MAML2: variants seen among roughly 807,000 people sequenced by gnomAD.
The protein encoded by MAML2 is mastermind like transcriptional coactivator 2.
In MAML2, 22 loss-of-function variants were observed where a neutral mutation model predicts 96.1. That is an observed-to-expected ratio of 0.23 (90% CI 0.16 to 0.33). The LOEUF (loss-of-function observed/expected upper bound fraction) is 0.33, where lower values mean the gene tolerates loss of function less well. MAML2 is among the 10% of genes least tolerant of loss of function. MAML2 has a pLI of 1.00. For synonymous variants in MAML2, 561 were observed against 521.3 expected, an observed-to-expected ratio of 1.08 and a Z score of -1.04; for missense variants, 1,367 against 1,392.4, an observed-to-expected ratio of 0.98 and a Z score of 0.29.
intron 1 of MAML2, among the ~76,000 whole-genome samples, chr11:96,219,264 T>A (rs1403093666): frequency 6.6e-6 from 1 of 152,232 alleles, no homozygotes. Flanking sequence ...TATGACATCT[T>A]AGAAACCATT....
intron 2 of MAML2, among the ~76,000 whole-genome samples, chr11:96,078,691 T>C (rs1394417822): frequency 3.9e-5 from 6 of 152,228 alleles, no homozygotes; most frequent in African/African-American, 1.4e-4. Flanking sequence ...ATGAGAGCCA[T>C]GTCTAGGTGA....
At chr11:96,172,023 T>C (rs1052013906) in intron 1 of MAML2, among the ~76,000 whole-genome samples, 2 of 152,226 alleles carry the variant, frequency 1.3e-5, no homozygotes, top group Non-Finnish European at 2.9e-5. Flanking sequence ...CAGTGCCTTG[T>C]AGAGAGCGAC....
chr11:96,217,423 C>T lies in MAML2; in HGVS notation c.514-123906G>A, dbSNP rs375588536. 2.6e-5 allele frequency among the ~76,000 whole-genome samples: 4 copies of T among 152,180 alleles called. No individual in the cohort carries two copies. The East Asian group carries it at 5.8e-4, about 22-fold the overall frequency. On this transcript the variant is annotated intron_variant, in intron 1 of 4. Coordinates refer to ENST00000524717, the MANE Select transcript of MAML2 (RefSeq NM_032427.4). ...TGCCCTGCACTGTTTCCACTTATAGCGTGGTATGTCAGTAGACTCTATGAG... is the reference window on the plus strand; with the variant it reads ...TGCCCTGCACTGTTTCCACTTATAGTGTGGTATGTCAGTAGACTCTATGAG...
At chr11:96,314,917 T>C (rs2136006737) in intron 1 of MAML2, among the ~76,000 whole-genome samples, 1 of 152,306 alleles carries the variant, frequency 6.6e-6, no homozygotes, top group Non-Finnish European at 1.5e-5. Context: ...GAAGCTGGTG[T>C]TGCAGCCACC....
chr11:96,162,671 C>A (rs3016375), intron 1 of MAML2, among the ~76,000 whole-genome samples: 149,402 of 149,402 alleles, frequency 1, 74,701 homozygotes, highest in Non-Finnish European at 1. Flanking sequence ...AGATTGCGCC[C>A]TTGCACTCCA....
chr11:96,088,296 T>C (rs1859650704), intron 2 of MAML2, among the ~76,000 whole-genome samples: 1 of 152,202 alleles, frequency 6.6e-6, no homozygotes, highest in Admixed American at 6.5e-5. Flanking sequence ...TATGGGAGAA[T>C]TCTAAGCCAA....
rs1403233431 is a variant in MAML2, at chr11:96,092,108, C to T, written c.1923G>A (p.Gln641=). The change falls in exon 2 of 5, where the codon CAG becomes CAA. Residue 641 remains glutamine, a synonymous_variant. Coordinates refer to ENST00000524717, the MANE Select transcript of MAML2 (RefSeq NM_032427.4). This position sits in a 1 kb window ranked among gnomAD's most constrained non-coding sequence, Gnocchi z 4.1. The stretch of plus-strand genomic sequence containing the variant: ...GCTGCTGCTGTTGTTGCTGCTGCTG[C>T]TGCTGTTGGGCTGAAATTGAGCTCT... The part of the protein sequence containing the change: ...QQQSSISAQQ[Q]QQQQQQQQQQ... The T allele has an allele frequency of 1.3e-6, 2 of 1,548,106 alleles. No homozygotes were observed. Among genetic ancestry groups the T allele is most frequent in the African/African-American group, 1.4e-5 (1 of 72,294 alleles).
In MAML2 at chr11:95,979,707, G is replaced by T; in HGVS notation, c.2712C>A (p.Asn904Lys). 1 of 1,613,972 alleles carries T rather than the reference G, an allele frequency of 6.2e-7. No homozygotes were observed. Among genetic ancestry groups the T allele is most frequent in the Non-Finnish European group, 8.5e-7 (1 of 1,179,878 alleles). ...RNPKQLLANQ[N>K]NPMMPRPPTL... ...TAGGTGGCCGTGGCATCATAGGGTT[G>T]TTTTGATTTGCTAACAATTGCTTTG... The change falls in exon 5 of 5, where the codon AAC becomes AAA. Residue 904 changes from asparagine (N) to lysine (K), a missense_variant. Asn to Lys is a moderately conservative substitution (Grantham distance 94). Coordinates refer to ENST00000524717, the MANE Select transcript of MAML2 (RefSeq NM_032427.4).
Position 95,978,864 on chromosome 11 carries a change from C to A in MAML2, c.*84G>T, listed in dbSNP as rs1011133340. The stretch of plus-strand genomic sequence containing the variant: ...GTTATCTTCATGTAGTCCACCTGAA[C>A]ATCAACAGTTCAGCCTCTACAGAGT... On this transcript the variant is annotated 3_prime_UTR_variant, in exon 5 of 5. Transcript: ENST00000524717. 4 of 1,231,902 alleles carry A rather than the reference C, an allele frequency of 3.2e-6. No homozygotes were observed. The African/African-American group carries it at 6.0e-5, about 19-fold the overall frequency. The allele number at this position is 1,231,902 out of a possible 1,614,324, so 76.3% of individuals were successfully genotyped here.
At chr11:96,192,440 T>G (rs965724678) in intron 1 of MAML2, among the ~76,000 whole-genome samples, 2 of 152,140 alleles carry the variant, frequency 1.3e-5, no homozygotes, top group African/African-American at 2.4e-5. Context: ...GGTCAGGAGT[T>G]AATATCACTG....
intron 1 of MAML2, among the ~76,000 whole-genome samples, chr11:96,254,328 G>C (rs924803212): frequency 6.6e-6 from 1 of 151,328 alleles, no homozygotes; most frequent in African/African-American, 2.4e-5. Context: ...TCTAAAAAAA[G>C]CCATAGGAAG....
chr11:95,984,299 C>T (rs931377386), intron 4 of MAML2, among the ~76,000 whole-genome samples: 7 of 152,128 alleles, frequency 4.6e-5, no homozygotes, highest in Non-Finnish European at 7.3e-5. Flanking sequence ...TACCTAACAA[C>T]GCAATTCTCA....
intron 1 of MAML2, among the ~76,000 whole-genome samples, chr11:96,202,428 G>T (rs1462213277): frequency 6.6e-6 from 1 of 152,002 alleles, no homozygotes; most frequent in African/African-American, 2.4e-5. Context: ...GCAAAGCATG[G>T]TCACCAGTTA....
At chr11:95,992,735 A>G (rs1236785389) in intron 2 of MAML2, among the ~76,000 whole-genome samples, 1 of 152,226 alleles carries the variant, frequency 6.6e-6, no homozygotes, top group Non-Finnish European at 1.5e-5. Context: ...TCTGGGAATC[A>G]GCTTATAAGG....
rs751369025 is a variant in MAML2, at chr11:95,991,696, T to C, written c.2167A>G (p.Thr723Ala). ...QDQHSVVGQN[T>A]GPSPSPNPCS... ...GGGTTAGGACTTGGACTGGGGCCTG[T>C]GTTCTGGCCTACCACAGAGTGTTGA... Residue 723 changes from threonine (T) to alanine (A), a missense_variant, in exon 3 of 5, where the codon ACA becomes GCA. Transcript: ENST00000524717. 6 of 1,613,580 alleles carry C rather than the reference T, an allele frequency of 3.7e-6. No homozygotes were observed. The highest frequency in any genetic ancestry group is 1.1e-5 in the South Asian group (1 of 91,072).
chr11:96,306,706 A>G (rs1176875445), intron 1 of MAML2, among the ~76,000 whole-genome samples: 1 of 152,144 alleles, frequency 6.6e-6, no homozygotes, highest in East Asian at 1.9e-4. Flanking sequence ...TTCACACCAA[A>G]TCAACTTGGC....
intron 1 of MAML2, among the ~76,000 whole-genome samples, chr11:96,191,031 A>C (rs1190612473): frequency 2.0e-4 from 31 of 152,212 alleles, no homozygotes; most frequent in Non-Finnish European, 5.9e-5. Flanking sequence ...CCCTTTTAGA[A>C]GGAGGATTGC....
chr11:96,081,514 T>A lies in MAML2; in HGVS notation c.2139+10378A>T, dbSNP rs556787138. Reference sequence around the variant, plus strand: ...TGAATGTGTATGGTTTTCATATATTTAAAAAAAAAACTTCTGTATTCCCAC... The same window carrying A: ...TGAATGTGTATGGTTTTCATATATTAAAAAAAAAAACTTCTGTATTCCCAC... On this transcript the variant is annotated intron_variant, in intron 2 of 4. Coordinates refer to ENST00000524717, the MANE Select transcript of MAML2 (RefSeq NM_032427.4). Among the ~76,000 whole-genome samples the A allele has an allele frequency of 8.6e-4, 129 of 150,430 alleles. 1 individual carries two copies. The highest frequency in any genetic ancestry group is 1.6e-3 in the Non-Finnish European group (110 of 67,530).
intron 2 of MAML2, among the ~76,000 whole-genome samples, chr11:96,012,487 C>A (rs1417787819): frequency 2.6e-5 from 4 of 152,160 alleles, no homozygotes; most frequent in Non-Finnish European, 5.9e-5. Flanking sequence ...GCCCAGGCAG[C>A]CTTCTCACTA....
Sources: allele counts gnomAD v4.1 joint callset (sites outside exome capture counted in the v4.1 genomes callset), GRCh38; gene constraint gnomAD v4.1.1; non-coding constraint Gnocchi (gnomAD v3.1); transcripts MANE v1.5; gene names NCBI Gene and HGNC (gene_info 2026-07-23, HGNC 2026-07-21).